The following ZFPM2 variants were observed in gnomAD, a reference collection of about 807,000 sequenced individuals.
ZFPM2 encodes zinc finger protein, FOG family member 2.
A neutral mutation model predicts 98.6 loss-of-function variants in ZFPM2; 20 were observed. The ratio of observed to expected loss-of-function variants is 0.20; its 90% CI spans 0.14 to 0.29. The LOEUF (loss-of-function observed/expected upper bound fraction) is 0.29. Among genes scored for constraint, ZFPM2 ranks in the 10% least tolerant of loss-of-function variants. The pLI is 1.00. For synonymous variants in ZFPM2, 518 were observed against 502.7 expected (o/e 1.03, Z -0.41); for missense variants, 1,310 against 1,388.6 (o/e 0.94, Z 0.90).
intron 2 of ZFPM2, among the ~76,000 whole-genome samples, chr8:105,442,830 C>T (rs143661943): frequency 1.9e-3 from 282 of 151,670 alleles, no homozygotes; most frequent in African/African-American, 6.4e-3. Flanking sequence ...AAATGTCATT[C>T]ATCGTAATCA....
At chr8:105,320,917 T>A (rs1207321885) in intron 1 of ZFPM2, among the ~76,000 whole-genome samples, 3 of 152,240 alleles carry the variant, frequency 2.0e-5, no homozygotes, top group Non-Finnish European at 4.4e-5. Flanking sequence ...TATATTTATA[T>A]ATTTATTCAC....
chr8:105,729,563 C>T (rs1475529788), intron 5 of ZFPM2, among the ~76,000 whole-genome samples: 1 of 151,664 alleles, frequency 6.6e-6, no homozygotes, highest in Non-Finnish European at 1.5e-5. Context: ...CCATAATTGT[C>T]TGTACTTTAA....
intron 3 of ZFPM2, among the ~76,000 whole-genome samples, chr8:105,500,502 C>A (rs1180855513): frequency 6.6e-6 from 1 of 152,038 alleles, no homozygotes; most frequent in Non-Finnish European, 1.5e-5. Context: ...ACAGTTACAT[C>A]TCTGATGTTT....
Position 105,760,058 on chromosome 8 carries a change from G to A in ZFPM2, c.533-28660G>A, listed in dbSNP as rs183239434. ...GAGTTCAGGGGCTTATCCAAAGAGAGTAAGAGTGTTGAACAATGGAATTTG... is the reference window on the plus strand; with the variant it reads ...GAGTTCAGGGGCTTATCCAAAGAGAATAAGAGTGTTGAACAATGGAATTTG... On this transcript the variant is annotated intron_variant, in intron 5 of 7. Transcript: ENST00000407775. Among the ~76,000 whole-genome samples, 400 of 152,092 alleles carry A rather than the reference G, an allele frequency of 2.6e-3. 1 individual carries two copies. The highest frequency in any genetic ancestry group is 9.1e-3 in the African/African-American group (377 of 41,518).
At chr8:105,480,932 A>T (rs1813102704) in intron 3 of ZFPM2, among the ~76,000 whole-genome samples, 2 of 151,996 alleles carry the variant, frequency 1.3e-5, no homozygotes, top group Admixed American at 1.3e-4. Context: ...TTGTATTTTT[A>T]GTAGAGACGG....
rs560941121 is a variant in ZFPM2 at position 105,474,956 on chromosome 8, GTGATTCAGTAGTC to G, written c.301+30578_301+30590del. ...GGGCTTCTCCAAAGCACCTTATTCT[GTGATTCAGTAGTC>G]TGTATCAGTTCAGTCAAAATGAAAG... On this transcript the variant is annotated intron_variant, in intron 3 of 7. Transcript: ENST00000407775. Among the ~76,000 whole-genome samples the G allele has an allele frequency of 1.1e-3, 167 of 152,248 alleles. 1 individual carries two copies. The highest frequency in any genetic ancestry group is 3.9e-3 in the African/African-American group (163 of 41,550).
chr8:105,712,060 G>T (rs554021308), intron 5 of ZFPM2, among the ~76,000 whole-genome samples: 27 of 152,060 alleles, frequency 1.8e-4, no homozygotes, highest in Non-Finnish European at 7.4e-5. Flanking sequence ...CTGGTAACTG[G>T]GTTAATTTAG....
At chr8:105,430,506 G>A (rs893864204) in intron 2 of ZFPM2, among the ~76,000 whole-genome samples, 3 of 152,158 alleles carry the variant, frequency 2.0e-5, no homozygotes, top group African/African-American at 7.2e-5. Context: ...AGATATTCAT[G>A]AAAAGCCTGA....
chr8:105,778,617 T>C (rs1813165911), intron 5 of ZFPM2, among the ~76,000 whole-genome samples: 1 of 152,156 alleles, frequency 6.6e-6, no homozygotes, highest in South Asian at 2.1e-4. Flanking sequence ...CAATGTGTAA[T>C]CGTCATTAAC....
intron 4 of ZFPM2, among the ~76,000 whole-genome samples, chr8:105,600,321 A>T (rs2130782429): frequency 6.6e-6 from 1 of 152,218 alleles, no homozygotes; most frequent in Middle Eastern, 3.4e-3. Flanking sequence ...ATACTCTGAA[A>T]TGTTTGTAAG....
intron 3 of ZFPM2, among the ~76,000 whole-genome samples, chr8:105,529,182 G>A (rs555546425): frequency 6.6e-6 from 1 of 152,144 alleles, no homozygotes; most frequent in Non-Finnish European, 1.5e-5. Flanking sequence ...TTTCTTCTGT[G>A]TGTCTCTGTC....
chr8:105,783,860 T>C (rs995533550), intron 5 of ZFPM2, among the ~76,000 whole-genome samples: 1 of 152,184 alleles, frequency 6.6e-6, no homozygotes, highest in Non-Finnish European at 1.5e-5. Context: ...GCTGTTCAAA[T>C]ATCTCTTTGA....
intron 5 of ZFPM2, among the ~76,000 whole-genome samples, chr8:105,742,399 A>AGGT (rs1812239397): frequency 7.1e-6 from 1 of 140,752 alleles, no homozygotes; most frequent in African/African-American, 2.7e-5. Context: ...AAAAAAAAAA[A>AGGT]GGTGTTGGAG....
chr8:105,385,042 C>T (rs1019146281), intron 1 of ZFPM2, among the ~76,000 whole-genome samples: 17 of 152,010 alleles, frequency 1.1e-4, no homozygotes, highest in African/African-American at 3.1e-4. Context: ...AGGTCTTGCC[C>T]GATGTTTCAC....
chr8:105,791,265 A>G (rs969598922), intron 6 of ZFPM2, among the ~76,000 whole-genome samples: 10 of 152,142 alleles, frequency 6.6e-5, no homozygotes, highest in Non-Finnish European at 1.2e-4. Flanking sequence ...GATACGTCCC[A>G]TCAATACCTA....
chr8:105,687,841 C>G (rs995921808), intron 5 of ZFPM2, among the ~76,000 whole-genome samples: 3 of 151,050 alleles, frequency 2.0e-5, no homozygotes, highest in Non-Finnish European at 4.4e-5. Flanking sequence ...GAATTAGGAA[C>G]ATAAAAAGAA....
chr8:105,490,870 A>C (rs1428893178), intron 3 of ZFPM2, among the ~76,000 whole-genome samples: 2 of 152,298 alleles, frequency 1.3e-5, no homozygotes, highest in East Asian at 3.9e-4. Flanking sequence ...ACATTTTCTA[A>C]CATATAACTA....
At chr8:105,366,589 T>G (rs1011248943) in intron 1 of ZFPM2, among the ~76,000 whole-genome samples, 1 of 151,876 alleles carries the variant, frequency 6.6e-6, no homozygotes, top group Non-Finnish European at 1.5e-5. Flanking sequence ...TACATATGTA[T>G]ACATGTGCCA....
intron 1 of ZFPM2, among the ~76,000 whole-genome samples, chr8:105,372,138 G>A (rs1703123663): frequency 1.3e-5 from 2 of 151,892 alleles, no homozygotes; most frequent in African/African-American, 4.8e-5. Flanking sequence ...TGCCTGCTGG[G>A]TTCACGCCAT....
Sources: gnomAD v4.1 joint callset for allele counts (sites outside exome capture counted in the v4.1 genomes callset) on GRCh38, gnomAD v4.1.1 for gene constraint, MANE v1.5 for transcripts, NCBI Gene and HGNC (gene_info 2026-07-23, HGNC 2026-07-21) for gene names.